Variants in TESC observed in about 807,000 individuals in gnomAD.
TESC encodes the protein calcineurin B homologous protein 3.
TESC carries 19 observed loss-of-function variants against 31.0 expected under a neutral mutation model. That is an observed-to-expected ratio of 0.61 (90% CI 0.43 to 0.90). TESC has a LOEUF of 0.90. TESC is among the 40% of genes least tolerant of loss of function. TESC has a pLI of 0.00. For synonymous variants in TESC, 109 were observed against 114.8 expected (o/e 0.95, Z 0.32); for missense variants, 248 against 303.8 (o/e 0.82, Z 1.36).
chr12:117,039,378 G>A (rs2135740936), intron 7 of TESC, among the ~76,000 whole-genome samples, 168 bp from the exon 8 acceptor site: 1 of 152,316 alleles, frequency 6.6e-6, no homozygotes, highest in South Asian at 2.1e-4. Context: ...GCTAAGCGAG[G>A]ACGAAAAACT....
At chr12:117,040,376 G>GGGAAA (rs1954464627) in intron 7 of TESC, among the ~76,000 whole-genome samples, 1 of 152,216 alleles carries the variant, frequency 6.6e-6, no homozygotes, top group Admixed American at 6.5e-5. Flanking sequence ...GGAATGGGAA[G>GGGAAA]GGCCAGCTGG....
At chr12:117,061,200 G>A (rs1175385150) in intron 2 of TESC, among the ~76,000 whole-genome samples, 1 of 152,228 alleles carries the variant, frequency 6.6e-6, no homozygotes, top group Non-Finnish European at 1.5e-5. Flanking sequence ...GCACCTTGCA[G>A]GATGGGGACC....
chr12:117,041,133 C>T (rs902531276), intron 7 of TESC, among the ~76,000 whole-genome samples: 1 of 152,214 alleles, frequency 6.6e-6, no homozygotes, highest in African/African-American at 2.4e-5. Context: ...CAGCACTGGC[C>T]TAACCACCAT....
chr12:117,065,793 G>A (rs1954870209), intron 2 of TESC, among the ~76,000 whole-genome samples: 1 of 152,088 alleles, frequency 6.6e-6, no homozygotes, highest in African/African-American at 2.4e-5. Flanking sequence ...GAGGCAGGAG[G>A]ATCGCTTGAG....
intron 1 of TESC, among the ~76,000 whole-genome samples, chr12:117,099,004 C>A (rs1026320167): frequency 2.6e-5 from 4 of 152,188 alleles, no homozygotes; most frequent in African/African-American, 7.2e-5. Context: ...CCGGGCCAGT[C>A]CGAAGCTGAG....
chr12:117,075,184 G>C (rs189036402), intron 2 of TESC, 87 bp downstream of exon 2: 1 of 1,319,580 alleles, frequency 7.6e-7, no homozygotes, highest in African/African-American at 1.5e-5. Flanking sequence ...AACTACCCCC[G>C]CTACTCAGCA....
chr12:117,092,026 A>G (rs945265456), intron 1 of TESC, among the ~76,000 whole-genome samples: 5 of 152,184 alleles, frequency 3.3e-5, no homozygotes, highest in African/African-American at 1.2e-4. Context: ...TTCCCTACCC[A>G]GCAACTAAGT....
chr12:117,091,295 C>T (rs926793119), intron 1 of TESC, among the ~76,000 whole-genome samples: 3 of 152,192 alleles, frequency 2.0e-5, no homozygotes, highest in African/African-American at 7.2e-5. Context: ...GAACTGTGAG[C>T]CCTTCTGAGC....
At chr12:117,054,056 T>C (rs1954686530) in intron 3 of TESC, 1 of 152,194 alleles carries the variant, frequency 6.6e-6, no homozygotes, top group Non-Finnish European at 1.5e-5. Flanking sequence ...CCCCTCCTCT[T>C]TGGCACACAT....
chr12:117,063,896 C>T (rs117254772), intron 2 of TESC, among the ~76,000 whole-genome samples: 2,295 of 152,310 alleles, frequency 0.015, 26 homozygotes, highest in South Asian at 0.042. Context: ...TCTGGGCCAG[C>T]AGCATCTGCA....
At chr12:117,090,001 T>C (rs1955284326) in intron 1 of TESC, among the ~76,000 whole-genome samples, 1 of 151,816 alleles carries the variant, frequency 6.6e-6, no homozygotes, top group Non-Finnish European at 1.5e-5. Context: ...TCGATTAGAC[T>C]AACAGCTGAT....
chr12:117,099,206 G>GC lies in TESC; in HGVS notation c.58+18dup, dbSNP rs1955438805. The GC allele has an allele frequency of 5.4e-6, 8 of 1,477,380 alleles. No homozygotes were observed. Among genetic ancestry groups the GC allele is most frequent in the South Asian group, 2.6e-5 (2 of 78,244 alleles). The allele number at this position is 1,477,380 out of a possible 1,614,324, so 91.5% of individuals were successfully genotyped here. ...GAGGTCCCGCCCCGGTCCCCGCGCC[G>GC]CCCCCCGCGGGTACTCACAGCCGGT... On this transcript the variant is annotated intron_variant, in intron 1 of 7. Coordinates refer to ENST00000335209, the MANE Select transcript of TESC (RefSeq NM_017899.4).
At chr12:117,062,072 C>G (rs1340919492) in intron 2 of TESC, among the ~76,000 whole-genome samples, 1 of 152,182 alleles carries the variant, frequency 6.6e-6, no homozygotes, top group African/African-American at 2.4e-5. Context: ...ACAGTAATCG[C>G]TGCAGCAGTA....
chr12:117,052,803 C>T (rs1954666576), intron 3 of TESC, among the ~76,000 whole-genome samples: 1 of 151,332 alleles, frequency 6.6e-6, no homozygotes, highest in African/African-American at 2.4e-5. Context: ...GCCCTGGGAA[C>T]CTTCCTTTTC....
At position 117,065,279 on chromosome 12, in the gene TESC, T is replaced by A. The variant is rs537923119; in HGVS notation, c.129-8393A>T. ...CAGGCCAGAGACCATGGCAGCTGGA[T>A]GAGGGCAGGGGCTGGGGGAGCAGAG... On this transcript the variant is annotated intron_variant, in intron 2 of 7. Coordinates refer to ENST00000335209, the MANE Select transcript of TESC (RefSeq NM_017899.4). Among the ~76,000 whole-genome samples the A allele has an allele frequency of 3.0e-4, 45 of 151,990 alleles. No individual in the cohort carries two copies. In the South Asian group the frequency reaches 8.1e-3, roughly 27 times the overall value.
chr12:117,080,579 C>T (rs1955132114), intron 1 of TESC, among the ~76,000 whole-genome samples: 1 of 152,216 alleles, frequency 6.6e-6, no homozygotes, highest in Non-Finnish European at 1.5e-5. Flanking sequence ...CACCCAAATC[C>T]CTAGAGCCAA....
intron 2 of TESC, among the ~76,000 whole-genome samples, chr12:117,060,895 C>T (rs1022570254): frequency 1.3e-5 from 2 of 152,242 alleles, no homozygotes; most frequent in Non-Finnish European, 2.9e-5. Flanking sequence ...GGCTGCTATG[C>T]TGCTAGCCAA....
intron 3 of TESC, among the ~76,000 whole-genome samples, chr12:117,050,685 C>A (rs554618024): frequency 3.3e-5 from 5 of 152,234 alleles, no homozygotes; most frequent in Non-Finnish European, 4.4e-5. Context: ...GTAACCCCTG[C>A]ACTTTGGGAG....
intron 1 of TESC, among the ~76,000 whole-genome samples, chr12:117,078,820 A>C (rs769004748): frequency 6.6e-6 from 1 of 152,040 alleles, no homozygotes; most frequent in Non-Finnish European, 1.5e-5. Context: ...ATATTTTCCC[A>C]TTTTTCTCTA....
Sources: gnomAD v4.1 joint callset for allele counts (sites outside exome capture counted in the v4.1 genomes callset) on GRCh38, gnomAD v4.1.1 for gene constraint, MANE v1.5 for transcripts, NCBI Gene and HGNC (gene_info 2026-07-23, HGNC 2026-07-21) for gene names.